Variants in ABCA13 observed in about 807,000 individuals in gnomAD.
ABCA13 encodes ATP-binding cassette sub-family A member 13.
In ABCA13, 476 loss-of-function variants were observed where a neutral mutation model predicts 478.7. That is an observed-to-expected ratio of 0.99 (90% CI 0.92 to 1.07). ABCA13 has a LOEUF of 1.07. Among genes scored for constraint, ABCA13 ranks in the 50% least tolerant of loss-of-function variants. ABCA13 has a pLI of 0.00. For missense variants in ABCA13, 6,060 were observed against 5,910.6 expected (o/e 1.03, Z -0.83); for synonymous variants, 2,252 against 2,158.9 (o/e 1.04, Z -1.20).
intron 20 of ABCA13, among the ~76,000 whole-genome samples, chr7:48,294,842 T>C (rs2128827520): frequency 6.6e-6 from 1 of 152,242 alleles, no homozygotes; most frequent in East Asian, 1.9e-4. Flanking sequence ...TCACTTAGCA[T>C]ATCTTCTGGG....
At chr7:48,284,372 A>G (rs1173404010) in intron 19 of ABCA13, among the ~76,000 whole-genome samples, 2 of 152,192 alleles carry the variant, frequency 1.3e-5, no homozygotes, top group Non-Finnish European at 2.9e-5. Flanking sequence ...GATGTTATGA[A>G]CATTGGTGAT....
At chr7:48,635,912 T>C (rs538889193) in intron 59 of ABCA13, among the ~76,000 whole-genome samples, 33 of 152,324 alleles carry the variant, frequency 2.2e-4, no homozygotes, top group African/African-American at 7.9e-4. Context: ...TTTTAAAAAA[T>C]AGTTTTCAGC....
At chr7:48,324,647 C>T (rs1022165627) in intron 27 of ABCA13, among the ~76,000 whole-genome samples, 1 of 152,160 alleles carries the variant, frequency 6.6e-6, no homozygotes, top group African/African-American at 2.4e-5. Context: ...ACTACAGGAA[C>T]GTAGGACTGC....
Position 48,466,909 on chromosome 7 carries a change from C to T in ABCA13, c.12816-47C>T, listed in dbSNP as rs375828545. 7.5e-5 allele frequency: 118 copies of T among 1,574,662 alleles called. 1 individual carries two copies. The South Asian group carries it at 7.9e-4, about 10-fold the overall frequency. The stretch of plus-strand genomic sequence containing the variant: ...CTGGTTCTCCATTCTCTGTTGGGAG[C>T]CACTAATAATCCCACTTTGTTTCCT... On this transcript the variant is annotated intron_variant, in intron 43 of 61. Transcript: ENST00000435803.
intron 45 of ABCA13, among the ~76,000 whole-genome samples, chr7:48,477,270 G>C (rs1179180504): frequency 6.6e-6 from 1 of 152,104 alleles, no homozygotes; most frequent in Non-Finnish European, 1.5e-5. Flanking sequence ...GGAGAAATAG[G>C]AACACTTTTA....
chr7:48,294,688 C>T (rs1260890208), intron 20 of ABCA13, among the ~76,000 whole-genome samples: 1 of 151,938 alleles, frequency 6.6e-6, no homozygotes, highest in East Asian at 1.9e-4. Flanking sequence ...CCTCATGATC[C>T]ACCCGCCTCG....
intron 29 of ABCA13, among the ~76,000 whole-genome samples, chr7:48,344,720 A>G (rs1342991371): frequency 6.6e-6 from 1 of 152,172 alleles, no homozygotes; most frequent in Non-Finnish European, 1.5e-5. Flanking sequence ...TAGGACTCTT[A>G]CCAGAGGCTT....
chr7:48,556,736 G>C (rs1347414641), intron 55 of ABCA13, among the ~76,000 whole-genome samples: 1 of 151,798 alleles, frequency 6.6e-6, no homozygotes, highest in Non-Finnish European at 1.5e-5. Context: ...GCAGATCATT[G>C]AGTCTTGTAC....
At position 48,240,848 on chromosome 7, in the gene ABCA13, T is replaced by G. The variant is rs776861479; in HGVS notation, c.1063-19T>G. The G allele has an allele frequency of 2.8e-5, 41 of 1,487,532 alleles. No homozygotes were observed. The Middle Eastern group carries it at 5.4e-4, about 20-fold the overall frequency. The allele number at this position is 1,487,532 out of a possible 1,614,324, so 92.1% of individuals were successfully genotyped here. On this transcript the variant is annotated intron_variant, in intron 9 of 61. Coordinates refer to ENST00000435803, the MANE Select transcript of ABCA13 (RefSeq NM_152701.5). ...ATTTGCTATTATTAATGCTAGTATTTTGGTTTCCGAATTTGTAGGTGTTTG... is the reference window on the plus strand; with the variant it reads ...ATTTGCTATTATTAATGCTAGTATTGTGGTTTCCGAATTTGTAGGTGTTTG...
chr7:48,369,486 T>C (rs1177193083), intron 32 of ABCA13, among the ~76,000 whole-genome samples: 1 of 152,126 alleles, frequency 6.6e-6, no homozygotes, highest in African/African-American at 2.4e-5. Context: ...ATAGAAGGGT[T>C]TTTCTGATGT....
At position 48,561,094 on chromosome 7, in the gene ABCA13, T is replaced by C. The variant is rs534911757; in HGVS notation, c.14355-19130T>C. Among the ~76,000 whole-genome samples, 126 of 152,262 alleles carry C rather than the reference T, an allele frequency of 8.3e-4. 2 individuals carry two copies. The South Asian group carries it at 0.016, about 20-fold the overall frequency. On this transcript the variant is annotated intron_variant, in intron 55 of 61. Transcript: ENST00000435803. Reference sequence around the variant, plus strand: ...ATGTATATGTATATATATGTATGTATGTATGCATATATATTTTTTCTTTAT... The same window carrying C: ...ATGTATATGTATATATATGTATGTACGTATGCATATATATTTTTTCTTTAT...
intron 20 of ABCA13, among the ~76,000 whole-genome samples, chr7:48,292,763 C>T (rs1798716554): frequency 6.6e-6 from 1 of 152,176 alleles, no homozygotes; most frequent in Admixed American, 6.5e-5. Context: ...TTATTTTCCT[C>T]CAGGTCACCT....
intron 48 of ABCA13, among the ~76,000 whole-genome samples, chr7:48,493,055 C>G (rs1382837086): frequency 6.6e-6 from 1 of 152,016 alleles, no homozygotes; most frequent in Non-Finnish European, 1.5e-5. Flanking sequence ...TCTATTATAG[C>G]AACAGAAAAC....
At chr7:48,365,634 T>C (rs1423822723) in intron 31 of ABCA13, among the ~76,000 whole-genome samples, 1 of 152,210 alleles carries the variant, frequency 6.6e-6, no homozygotes, top group Non-Finnish European at 1.5e-5. Flanking sequence ...CTTCTGCATA[T>C]GGTTATTCAG....
At position 48,245,949 on chromosome 7, in the gene ABCA13, T is replaced by G. The variant is rs538791067; in HGVS notation, c.1578T>G (p.Gly526=). 3 of 1,613,802 alleles carry G rather than the reference T, an allele frequency of 1.9e-6. No individual in the cohort carries two copies. Among genetic ancestry groups the G allele is most frequent in the African/African-American group, 1.3e-5 (1 of 75,020 alleles). The stretch of plus-strand genomic sequence containing the variant: ...CGCCTGGAAACTCCAGCATATGGGG[T>G]GGTCTCCAGGGACTGTTGTGCTATT... ...FLPPGNSSIW[G]GLQGLLCYCN... Residue 526 remains glycine (G), a synonymous_variant, in exon 13 of 62, where the codon GGT becomes GGG. Coordinates refer to ENST00000435803, the MANE Select transcript of ABCA13 (RefSeq NM_152701.5).
intron 55 of ABCA13, among the ~76,000 whole-genome samples, chr7:48,578,753 G>A (rs1788424345): frequency 1.3e-5 from 2 of 152,108 alleles, no homozygotes; most frequent in Non-Finnish European, 2.9e-5. Flanking sequence ...ACACAGTATG[G>A]AAGAACAAAG....
rs376928055 is a variant in ABCA13 at position 48,272,113 on chromosome 7, C to T, written c.2447C>T (p.Pro816Leu). Residue 816 changes from proline (P) to leucine (L), a missense_variant, in exon 17 of 62, where the codon CCA becomes CTA. Around this residue, in one of 3 missense-constraint regions of ABCA13, gnomAD observed 4,423 missense variants for 4,309.1 expected, o/e 1.03. Coordinates refer to ENST00000435803, the MANE Select transcript of ABCA13 (RefSeq NM_152701.5). ...GGAAGTCACTGGATAAGGAAGGAACCAAAAAATCTTTTGAGATTCATAGAA... is the reference window on the plus strand; with the variant it reads ...GGAAGTCACTGGATAAGGAAGGAACTAAAAAATCTTTTGAGATTCATAGAA... ...TLGSHWIRKEPKNLLRFIELI... is the reference protein window; with the variant it reads ...TLGSHWIRKELKNLLRFIELI... The T allele has an allele frequency of 6.2e-7, 1 of 1,613,378 alleles. No individual in the cohort carries two copies. The highest frequency in any genetic ancestry group is 8.5e-7 in the Non-Finnish European group (1 of 1,179,656).
intron 40 of ABCA13, 47 bp from the exon 41 acceptor site, chr7:48,412,306 G>A (rs997521654): frequency 4.1e-6 from 6 of 1,450,266 alleles, no homozygotes; most frequent in East Asian, 2.4e-5. Context: ...TGTATATATG[G>A]ATTAACATTC....
chr7:48,571,571 TATTA>T (rs748291717), intron 55 of ABCA13, among the ~76,000 whole-genome samples: 1 of 152,102 alleles, frequency 6.6e-6, no homozygotes, highest in Non-Finnish European at 1.5e-5. Flanking sequence ...AGAAAGCAGC[TATTA>T]ACCTTCCTGG....
Sources: gnomAD v4.1 joint callset for allele counts (sites outside exome capture counted in the v4.1 genomes callset) on GRCh38, gnomAD v4.1.1 for gene constraint, gnomAD v4.1.1 regional missense constraint, MANE v1.5 for transcripts, NCBI Gene and HGNC (gene_info 2026-07-23, HGNC 2026-07-21) for gene names.